The following SNTB2 variants were observed in gnomAD, a reference collection of about 807,000 sequenced individuals.
SNTB2 encodes beta-2-syntrophin.
Under a neutral mutation model 46.2 loss-of-function variants are expected in SNTB2, and 34 were observed. The observed-to-expected ratio is 0.74, with a 90% CI of 0.56 to 0.98. The LOEUF (loss-of-function observed/expected upper bound fraction) is 0.98. Among genes scored for constraint, SNTB2 ranks in the 50% least tolerant of loss-of-function variants. SNTB2 has a pLI of 0.00. For missense variants in SNTB2, 603 were observed against 731.4 expected, an observed-to-expected ratio of 0.82 and a Z score of 2.02; for synonymous variants, 290 against 312.6, an observed-to-expected ratio of 0.93 and a Z score of 0.76.
intron 1 of SNTB2, among the ~76,000 whole-genome samples, chr16:69,212,530 GTTTTCACCA>G (rs1964299104): frequency 6.6e-6 from 1 of 152,016 alleles, no homozygotes; most frequent in African/African-American, 2.4e-5. Context: ...GTAGAGACAA[GTTTTCACCA>G]TGTTGGCCAG....
At chr16:69,274,437 A>C (rs1324379834) in intron 4 of SNTB2, among the ~76,000 whole-genome samples, 1 of 151,472 alleles carries the variant, frequency 6.6e-6, no homozygotes, top group Non-Finnish European at 1.5e-5. Context: ...GTGGATCACG[A>C]GGTCAGGAGA....
At chr16:69,259,003 T>C (rs1964806719) in intron 2 of SNTB2, among the ~76,000 whole-genome samples, 1 of 152,140 alleles carries the variant, frequency 6.6e-6, no homozygotes, top group African/African-American at 2.4e-5. Context: ...ATACCAGAAT[T>C]TCCTAAATGC....
intron 2 of SNTB2, among the ~76,000 whole-genome samples, chr16:69,256,883 A>G (rs576349613): frequency 6.6e-6 from 1 of 152,260 alleles, no homozygotes; most frequent in South Asian, 2.1e-4. Flanking sequence ...ATAGTTACCA[A>G]TTAAGGCCAG....
At chr16:69,207,330 T>C (rs1964233058) in intron 1 of SNTB2, among the ~76,000 whole-genome samples, 1 of 150,822 alleles carries the variant, frequency 6.6e-6, no homozygotes, top group South Asian at 2.1e-4. Flanking sequence ...ATTTTTGTAT[T>C]TTTTCGGTAG....
chr16:69,238,373 G>GGGAT (rs1402682593), intron 1 of SNTB2, among the ~76,000 whole-genome samples: 2 of 152,066 alleles, frequency 1.3e-5, no homozygotes, highest in Non-Finnish European at 2.9e-5. Flanking sequence ...TAATAGCCAT[G>GGGAT]GGATACTACA....
At chr16:69,264,149 C>T (rs1028765494) in intron 3 of SNTB2, among the ~76,000 whole-genome samples, 3 of 152,140 alleles carry the variant, frequency 2.0e-5, no homozygotes, top group Non-Finnish European at 4.4e-5. Flanking sequence ...CGCGAAGAGG[C>T]ACTGCTGCTG....
intron 1 of SNTB2, among the ~76,000 whole-genome samples, chr16:69,222,803 G>C (rs1964419481): frequency 1.3e-5 from 2 of 151,872 alleles, no homozygotes; most frequent in African/African-American, 4.8e-5. Flanking sequence ...TTCTGAGATG[G>C]GAGTTTTTGC....
chr16:69,275,306 T>A (rs1170448643), intron 4 of SNTB2, among the ~76,000 whole-genome samples: 5 of 152,258 alleles, frequency 3.3e-5, no homozygotes, highest in Admixed American at 2.6e-4. Flanking sequence ...CTCAAACAAT[T>A]CTCATGCCTC....
At chr16:69,192,492 C>G (rs1300294712) in intron 1 of SNTB2, among the ~76,000 whole-genome samples, 1 of 152,142 alleles carries the variant, frequency 6.6e-6, no homozygotes, top group African/African-American at 2.4e-5. Flanking sequence ...TGTCTGCTGT[C>G]TCTGGGGTTT....
At chr16:69,297,616 C>CA (rs35953183) in intron 5 of SNTB2, among the ~76,000 whole-genome samples, 38,752 of 123,230 alleles carry the variant, frequency 0.31, 5,636 homozygotes, top group African/African-American at 0.43. Context: ...ACTCTGTCTC[C>CA]AAAAAAAAAA....
At position 69,193,482 on chromosome 16, in the gene SNTB2, C is replaced by A. The variant is rs371551055; in HGVS notation, c.580+5736C>A. ...TAGCTTGGATTACTGGTGTGTGCCACCGTGCCTGGCTAATTTTTGTATTTT... is the reference window on the plus strand; with the variant it reads ...TAGCTTGGATTACTGGTGTGTGCCAACGTGCCTGGCTAATTTTTGTATTTT... On this transcript the variant is annotated intron_variant, in intron 1 of 6. Coordinates refer to ENST00000336278, the MANE Select transcript of SNTB2 (RefSeq NM_006750.4). Among the ~76,000 whole-genome samples the A allele has an allele frequency of 3.3e-5, 5 of 151,812 alleles. 1 individual carries two copies. In the East Asian group the frequency reaches 7.8e-4, roughly 24 times the overall value.
At chr16:69,269,964 C>A (rs533868934) in intron 3 of SNTB2, among the ~76,000 whole-genome samples, 179 bp from the exon 4 acceptor site, 57 of 152,286 alleles carry the variant, frequency 3.7e-4, no homozygotes, top group Non-Finnish European at 6.0e-4. Flanking sequence ...CACACCACTT[C>A]ACACCTCCCG....
At chr16:69,221,649 G>A (rs1384210527) in intron 1 of SNTB2, among the ~76,000 whole-genome samples, 2 of 152,082 alleles carry the variant, frequency 1.3e-5, no homozygotes, top group African/African-American at 4.8e-5. Flanking sequence ...GGTGGCGCAC[G>A]CCTGTAATCC....
chr16:69,266,704 A>G (rs1452909456), intron 3 of SNTB2, among the ~76,000 whole-genome samples: 1 of 152,022 alleles, frequency 6.6e-6, no homozygotes, highest in African/African-American at 2.4e-5. Flanking sequence ...AAGGGGAAAA[A>G]TTATTTATTT....
chr16:69,250,658 A>G (rs953543781), intron 2 of SNTB2, among the ~76,000 whole-genome samples: 4 of 152,072 alleles, frequency 2.6e-5, no homozygotes, highest in African/African-American at 9.7e-5. Context: ...GCACTTTGGG[A>G]GACTGAGACG....
intron 4 of SNTB2, among the ~76,000 whole-genome samples, chr16:69,276,999 A>G (rs1964990489): frequency 6.6e-6 from 1 of 152,226 alleles, no homozygotes; most frequent in Admixed American, 6.5e-5. Context: ...CTCATGGAGC[A>G]CTTCTGCTGC....
intron 5 of SNTB2, among the ~76,000 whole-genome samples, chr16:69,284,735 C>T (rs901234962): frequency 1.3e-5 from 2 of 152,266 alleles, no homozygotes; most frequent in Admixed American, 1.3e-4. Context: ...GATCACACCA[C>T]TGCACTCCAG....
intron 1 of SNTB2, among the ~76,000 whole-genome samples, chr16:69,213,265 AAG>A (rs1964307740): frequency 6.6e-6 from 1 of 152,132 alleles, no homozygotes; most frequent in Non-Finnish European, 1.5e-5. Flanking sequence ...TTGGTAGTAA[AAG>A]GGGTGATTTC....
At chr16:69,248,555 C>G (rs1187320609) in intron 2 of SNTB2, among the ~76,000 whole-genome samples, 1 of 152,158 alleles carries the variant, frequency 6.6e-6, no homozygotes, top group Admixed American at 6.6e-5. Flanking sequence ...TTGCTTGAAC[C>G]TGGGAGGCAG....
Sources: gnomAD v4.1 joint callset for allele counts (sites outside exome capture counted in the v4.1 genomes callset) on GRCh38, gnomAD v4.1.1 for gene constraint, MANE v1.5 for transcripts, NCBI Gene and HGNC (gene_info 2026-07-23, HGNC 2026-07-21) for gene names.